SSTR2: variants seen among roughly 807,000 people sequenced by gnomAD.
The protein encoded by SSTR2 is somatostatin receptor 2.
A neutral mutation model predicts 21.4 loss-of-function variants in SSTR2; 10 were observed. That is an observed-to-expected ratio of 0.47 (90% CI 0.29 to 0.79). The LOEUF is 0.79. SSTR2 is among the 30% of genes least tolerant of loss of function. The pLI is 0.10. For missense variants in SSTR2, 364 were observed against 468.8 expected (o/e 0.78, Z 2.06); for synonymous variants, 177 against 181.3 (o/e 0.98, Z 0.19).
In SSTR2 at chr17:73,171,602, T is replaced by C. The variant is rs944812321; in HGVS notation, c.*1173T>C. The C allele has an allele frequency of 6.0e-6, 1 of 166,780 alleles. No individual in the cohort carries two copies. Among genetic ancestry groups the C allele is most frequent in the Non-Finnish European group, 1.5e-5 (1 of 68,090 alleles). 10.3% of individuals were successfully genotyped at this position (166,780 alleles called of 1,614,324 possible). On this transcript the variant is annotated 3_prime_UTR_variant, in exon 2 of 2. Transcript: ENST00000357585. ...TCCTCAAAGGGGACTTTAGAGGACTTCATACAAAGCTGGGCATTAAGAAAA... is the reference window on the plus strand; with the variant it reads ...TCCTCAAAGGGGACTTTAGAGGACTCCATACAAAGCTGGGCATTAAGAAAA...
rs2061227353 is a variant in SSTR2, at chr17:73,169,689, A to G, written c.370A>G (p.Ile124Val). The G allele has an allele frequency of 6.2e-7, 1 of 1,614,102 alleles. No homozygotes were observed. Among genetic ancestry groups the G allele is most frequent in the Non-Finnish European group, 8.5e-7 (1 of 1,180,048 alleles). ...CCGGGTGGTCATGACTGTGGATGGC[A>G]TCAATCAGTTCACCAGCATCTTCTG... is the stretch of plus-strand genomic sequence containing the variant. ...ICRVVMTVDG[I>V]NQFTSIFCLT... Residue 124 changes from isoleucine (I) to valine (V), a missense_variant, in exon 2 of 2, where the codon ATC becomes GTC. By Grantham distance (29) the Ile-to-Val change is conservative (BLOSUM62 3). This residue lies in a region of SSTR2 where 193 missense variants were observed against 273.1 expected (regional missense o/e 0.71). Coordinates refer to ENST00000357585, the MANE Select transcript of SSTR2 (RefSeq NM_001050.3). The surrounding 1 kb of genome is among the most constrained non-coding windows in gnomAD (Gnocchi z 5.2).
Position 73,169,768 on chromosome 17 carries a change from C to A in SSTR2, c.449C>A (p.Ser150Ter). The A allele has an allele frequency of 6.2e-7, 1 of 1,614,160 alleles. No individual in the cohort carries two copies. Among genetic ancestry groups the A allele is most frequent in the Middle Eastern group, 1.6e-4 (1 of 6,062 alleles). The change falls in exon 2 of 2, where the codon TCG becomes TAG. Residue 150 changes from serine (S) to a stop codon, truncating the protein, a stop_gained. Coordinates refer to ENST00000357585, the MANE Select transcript of SSTR2 (RefSeq NM_001050.3). LOFTEE classifies it high-confidence loss of function. The surrounding 1 kb of genome is among the most constrained non-coding windows in gnomAD (Gnocchi z 5.2). ...CTGGCTGTGGTCCACCCCATCAAGTCGGCCAAGTGGAGGAGACCCCGGACG... is the reference window on the plus strand; with the variant it reads ...CTGGCTGTGGTCCACCCCATCAAGTAGGCCAAGTGGAGGAGACCCCGGACG... ...RYLAVVHPIK[S>*]AKWRRPRTAK...
Position 73,170,573 on chromosome 17 carries a change from G to A in SSTR2, c.*144G>A, listed in dbSNP as rs937299845. On this transcript the variant is annotated 3_prime_UTR_variant, in exon 2 of 2. Transcript: ENST00000357585. ...TCAGCATGAGTCCAATTCAGAGAAC[G>A]GTGTTTGAGTCAGCTTGTCTGATTG... The A allele has an allele frequency of 2.4e-5, 25 of 1,043,064 alleles. No individual in the cohort carries two copies. The highest frequency in any genetic ancestry group is 1.8e-4 in the Admixed American group (9 of 49,942). 64.6% of individuals were successfully genotyped at this position (1,043,064 alleles called of 1,614,324 possible).
chr17:73,170,584 C>A lies in SSTR2; in HGVS notation c.*155C>A. On this transcript the variant is annotated 3_prime_UTR_variant, in exon 2 of 2. Transcript: ENST00000357585. ...CCAATTCAGAGAACGGTGTTTGAGT[C>A]AGCTTGTCTGATTGAATGATAATGT... 1.0e-6 allele frequency: 1 copy of A among 955,574 alleles called. No homozygotes were observed. Among genetic ancestry groups the A allele is most frequent in the Non-Finnish European group, 1.7e-6 (1 of 604,606 alleles). The allele number at this position is 955,574 out of a possible 1,614,324, so 59.2% of individuals were successfully genotyped here.
rs2061244859 is a variant in SSTR2, at chr17:73,174,782, T to C, written c.*4353T>C. ...ACAAAAACCCATAAAAATAGTAAAA[T>C]ATAAAAACAAATTAGTGTTTTATAG... On this transcript the variant is annotated 3_prime_UTR_variant, in exon 2 of 2. Coordinates refer to ENST00000357585, the MANE Select transcript of SSTR2 (RefSeq NM_001050.3). The C allele has an allele frequency of 6.5e-6, 1 of 152,932 alleles. No homozygotes were observed. The highest frequency in any genetic ancestry group is 1.5e-5 in the Non-Finnish European group (1 of 68,032). 9.5% of individuals were successfully genotyped at this position (152,932 alleles called of 1,614,324 possible). A position where few individuals can be genotyped will look rare whatever the true frequency, so the allele number is the denominator to read the frequency against.
Position 73,170,424 on chromosome 17 carries a change from A to G in SSTR2, c.1105A>G (p.Ile369Val), listed in dbSNP as rs781405354. 5.0e-6 allele frequency: 8 copies of G among 1,612,042 alleles called. No homozygotes were observed. The Admixed American group carries it at 1.2e-4, about 24-fold the overall frequency. ...TLLNGDLQTS[I>V] is the part of the protein sequence containing the mutation. ...CCTCAATGGAGACCTCCAAACCAGT[A>G]TCTGAACTGCTTGGGGGGTGGGAAA... Residue 369 changes from isoleucine to valine, a missense_variant, in exon 2 of 2, where the codon ATC becomes GTC. This residue lies in a region of SSTR2 where 71 missense variants were observed against 53.8 expected (regional missense o/e 1.32). Coordinates refer to ENST00000357585, the MANE Select transcript of SSTR2 (RefSeq NM_001050.3).
In SSTR2 at chr17:73,165,077, G is replaced by A. The variant is rs2061211052; in HGVS notation, c.-304G>A. The A allele has an allele frequency of 6.6e-6, 1 of 152,280 alleles. No homozygotes were observed. Among genetic ancestry groups the A allele is most frequent in the African/African-American group, 2.4e-5 (1 of 41,464 alleles). 9.4% of individuals were successfully genotyped at this position (152,280 alleles called of 1,614,324 possible). A position where few individuals can be genotyped will look rare whatever the true frequency, so the allele number is the denominator to read the frequency against. The stretch of plus-strand genomic sequence containing the variant: ...CCACCAGCGCCCAGAGCCCCAGTCT[G>A]AGGCTTGGCGCCGGGGGTCTGCGGG... On this transcript the variant is annotated 5_prime_UTR_variant, in exon 1 of 2. Coordinates refer to ENST00000357585, the MANE Select transcript of SSTR2 (RefSeq NM_001050.3).
In SSTR2 at chr17:73,170,144, C is replaced by T; in HGVS notation, c.825C>T (p.Phe275=). The change falls in exon 2 of 2, where the codon TTC becomes TTT. Residue 275 remains phenylalanine (F), a synonymous_variant. Transcript: ENST00000357585. ...FIFCWLPFYI[F]NVSSVSMAIS... is the part of the protein sequence containing the mutation. ...TCTGCTGGCTTCCCTTCTACATATT[C>T]AACGTTTCTTCCGTCTCCATGGCCA... 1 of 1,614,176 alleles carries T rather than the reference C, an allele frequency of 6.2e-7. No homozygotes were observed. Among genetic ancestry groups the T allele is most frequent in the Non-Finnish European group, 8.5e-7 (1 of 1,180,036 alleles).
rs764917677 is a variant in SSTR2, at chr17:73,169,387, G to A, written c.68G>A (p.Gly23Asp). The A allele has an allele frequency of 6.2e-7, 1 of 1,614,126 alleles. No individual in the cohort carries two copies. The highest frequency in any genetic ancestry group is 8.5e-7 in the Non-Finnish European group (1 of 1,180,018). Residue 23 changes from glycine (G) to aspartate (D), a missense_variant, in exon 2 of 2, where the codon GGC becomes GAC. Physicochemically the swap from Gly to Asp is moderately conservative, Grantham distance 94. This residue lies in a region of SSTR2 where 75 missense variants were observed against 75.4 expected (regional missense o/e 0.99). Transcript: ENST00000357585. The surrounding 1 kb of genome is among the most constrained non-coding windows in gnomAD (Gnocchi z 5.2). ...TWLSIPFDLN[G>D]SVVSTNTSNQ... ...CTATCCATTCCATTTGACCTCAATG[G>A]CTCTGTGGTGTCAACCAACACCTCA...
rs2061242592 is a variant in SSTR2, at chr17:73,173,985, T to C, written c.*3556T>C. 6.6e-6 allele frequency: 1 copy of C among 152,072 alleles called. No homozygotes were observed. The highest frequency in any genetic ancestry group is 2.1e-4 in the South Asian group (1 of 4,822). 9.4% of individuals were successfully genotyped at this position (152,072 alleles called of 1,614,324 possible). On this transcript the variant is annotated 3_prime_UTR_variant, in exon 2 of 2. Transcript: ENST00000357585. ...CTCTACTAAGAATACAAAAATTAGC[T>C]GGGTGTGGTGGCGTGTGCCTGTAAT...
At chr17:73,168,059 G>C (rs1410420869) in intron 1 of SSTR2, 1 of 152,252 alleles carries the variant, frequency 6.6e-6, no homozygotes, top group Non-Finnish European at 1.5e-5. Context: ...GGGATGCCTT[G>C]AGACGTGCAA....
chr17:73,165,948 C>CG (rs962784552), intron 1 of SSTR2, among the ~76,000 whole-genome samples: 9 of 151,746 alleles, frequency 5.9e-5, no homozygotes, highest in Admixed American at 2.6e-4. Context: ...CAGCGCCCCC[C>CG]CCCCACACCC....
At position 73,171,107 on chromosome 17, in the gene SSTR2, C is replaced by T. The variant is rs1042117013; in HGVS notation, c.*678C>T. The stretch of plus-strand genomic sequence containing the variant: ...CGTATAAGCTTCAAGCCTCACAAAC[C>T]TTCTAGCCTCTGCCCTTGGGGATTT... On this transcript the variant is annotated 3_prime_UTR_variant, in exon 2 of 2. Transcript: ENST00000357585. The T allele has an allele frequency of 5.6e-6, 1 of 178,430 alleles. No individual in the cohort carries two copies. Among genetic ancestry groups the T allele is most frequent in the Non-Finnish European group, 1.3e-5 (1 of 74,676 alleles). 11.1% of individuals were successfully genotyped at this position (178,430 alleles called of 1,614,324 possible). A position where few individuals can be genotyped will look rare whatever the true frequency, so the allele number is the denominator to read the frequency against.
chr17:73,169,098 G>T lies in SSTR2; in HGVS notation c.-92-130G>T, dbSNP rs2061225233. ...CTGATGAGGAACTCTAGAGCTTAAT[G>T]TTGATGTGGAAAGATAATACATTTT... is the stretch of plus-strand genomic sequence containing the variant. On this transcript the variant is annotated intron_variant, in intron 1 of 1. Coordinates refer to ENST00000357585, the MANE Select transcript of SSTR2 (RefSeq NM_001050.3). This position sits in a 1 kb window ranked among gnomAD's most constrained non-coding sequence, Gnocchi z 5.2. 6 of 579,666 alleles carry T rather than the reference G, an allele frequency of 1.0e-5. No homozygotes were observed. The highest frequency in any genetic ancestry group is 1.8e-5 in the Non-Finnish European group (6 of 330,004). The allele number at this position is 579,666 out of a possible 1,614,324, so 35.9% of individuals were successfully genotyped here.
chr17:73,166,761 C>A (rs1317994005), intron 1 of SSTR2, among the ~76,000 whole-genome samples: 1 of 152,140 alleles, frequency 6.6e-6, no homozygotes, highest in African/African-American at 2.4e-5. Context: ...CTTAGAGGAG[C>A]CTTCCCACTC....
At position 73,169,092 on chromosome 17, in the gene SSTR2, C is replaced by T. The variant is rs1360089579; in HGVS notation, c.-92-136C>T. ...TGCACACTGATGAGGAACTCTAGAG[C>T]TTAATGTTGATGTGGAAAGATAATA... On this transcript the variant is annotated intron_variant, in intron 1 of 1. Transcript: ENST00000357585. The surrounding 1 kb of genome is among the most constrained non-coding windows in gnomAD (Gnocchi z 5.2). 1.8e-6 allele frequency: 1 copy of T among 569,582 alleles called. No homozygotes were observed. The highest frequency in any genetic ancestry group is 3.1e-6 in the Non-Finnish European group (1 of 323,330). 35.3% of individuals were successfully genotyped at this position (569,582 alleles called of 1,614,324 possible). A position where few individuals can be genotyped will look rare whatever the true frequency, so the allele number is the denominator to read the frequency against.
chr17:73,175,795 A>G lies in SSTR2; in HGVS notation c.*5366A>G, dbSNP rs1381585798. ...TCCTTTTAGAAAAGCCTGTTAAGGA[A>G]TATGATGCAAAGCCACCTTCGACGA... On this transcript the variant is annotated 3_prime_UTR_variant, in exon 2 of 2. Coordinates refer to ENST00000357585, the MANE Select transcript of SSTR2 (RefSeq NM_001050.3). The G allele has an allele frequency of 6.6e-6, 1 of 152,214 alleles. No homozygotes were observed. The highest frequency in any genetic ancestry group is 2.4e-5 in the African/African-American group (1 of 41,458). 9.4% of individuals were successfully genotyped at this position (152,214 alleles called of 1,614,324 possible).
chr17:73,167,308 A>C (rs2061219507), intron 1 of SSTR2, among the ~76,000 whole-genome samples: 1 of 152,210 alleles, frequency 6.6e-6, no homozygotes, highest in South Asian at 2.1e-4. Flanking sequence ...ATCTCACTTC[A>C]CAGACAGTTG....
At position 73,174,148 on chromosome 17, in the gene SSTR2, A is replaced by G. The variant is rs1335089136; in HGVS notation, c.*3719A>G. 1.3e-5 allele frequency: 2 copies of G among 148,460 alleles called. No homozygotes were observed. The highest frequency in any genetic ancestry group is 2.5e-5 in the African/African-American group (1 of 40,068). The allele number at this position is 148,460 out of a possible 1,614,324, so 9.2% of individuals were successfully genotyped here. ...CATCTCAAAAAAAAAAAAAAAAGGA[A>G]GAAGAAAAAGAAACTTAAGTGGGGT... On this transcript the variant is annotated 3_prime_UTR_variant, in exon 2 of 2. Transcript: ENST00000357585.
Sources: gnomAD v4.1 joint callset for allele counts (sites outside exome capture counted in the v4.1 genomes callset) on GRCh38, gnomAD v4.1.1 for gene constraint, gnomAD v4.1.1 regional missense constraint, Gnocchi (gnomAD v3.1) non-coding constraint, MANE v1.5 for transcripts, NCBI Gene and HGNC (gene_info 2026-07-23, HGNC 2026-07-21) for gene names.